MACROD1: variants seen among roughly 807,000 people sequenced by gnomAD.
The protein encoded by MACROD1 is mono-ADP ribosylhydrolase 1, also known as ADP-ribose glycohydrolase MACROD1.
A neutral mutation model predicts 41.4 loss-of-function variants in MACROD1; 31 were observed. The ratio of observed to expected loss-of-function variants is 0.75; its 90% CI spans 0.56 to 1.01. MACROD1 has a LOEUF of 1.01. Among genes scored for constraint, MACROD1 ranks in the 50% least tolerant of loss-of-function variants. The pLI is 0.00. For synonymous variants in MACROD1, 252 were observed against 203.4 expected (o/e 1.24, Z -2.03); for missense variants, 473 against 460.0 (o/e 1.03, Z -0.26).
intron 3 of MACROD1, among the ~76,000 whole-genome samples, chr11:64,021,581 C>T (rs1943153018): frequency 6.6e-6 from 1 of 152,124 alleles, no homozygotes; most frequent in East Asian, 1.9e-4. Context: ...TGGAGGCCGC[C>T]TCCACTCCCC....
chr11:64,155,964 C>T (rs553202658), intron 1 of MACROD1, among the ~76,000 whole-genome samples: 25 of 152,018 alleles, frequency 1.6e-4, no homozygotes, highest in Admixed American at 5.9e-4. Flanking sequence ...CAAAATTAGC[C>T]GGGTGTGGTG....
At chr11:64,066,906 A>G (rs1944015629) in intron 3 of MACROD1, among the ~76,000 whole-genome samples, 1 of 152,220 alleles carries the variant, frequency 6.6e-6, no homozygotes, top group Non-Finnish European at 1.5e-5. Flanking sequence ...CTCAGGCTAT[A>G]GCTCCGGAGC....
chr11:64,017,538 C>G (rs1332086324), intron 3 of MACROD1, among the ~76,000 whole-genome samples: 1 of 152,148 alleles, frequency 6.6e-6, no homozygotes, highest in Non-Finnish European at 1.5e-5. Flanking sequence ...CTGCCTTTCC[C>G]TGGCCAGGGG....
At chr11:64,047,212 G>T (rs1943600808) in intron 3 of MACROD1, among the ~76,000 whole-genome samples, 1 of 152,134 alleles carries the variant, frequency 6.6e-6, no homozygotes, top group Admixed American at 6.5e-5. Context: ...CCCCAGAGAG[G>T]TGCTGCTGAA....
chr11:64,154,214 G>A (rs1565263058), intron 1 of MACROD1, among the ~76,000 whole-genome samples: 1 of 152,248 alleles, frequency 6.6e-6, no homozygotes, highest in African/African-American at 2.4e-5. Context: ...CACAGTGCCT[G>A]CCTGCTCTCA....
At chr11:64,048,617 A>G (rs541149855) in intron 3 of MACROD1, among the ~76,000 whole-genome samples, 1 of 152,244 alleles carries the variant, frequency 6.6e-6, no homozygotes, top group Non-Finnish European at 1.5e-5. Flanking sequence ...CGGAATTCTT[A>G]CTGTTCCTGC....
intron 3 of MACROD1, among the ~76,000 whole-genome samples, chr11:64,138,761 A>C (rs1945367895): frequency 1.3e-5 from 2 of 149,824 alleles, no homozygotes; most frequent in Non-Finnish European, 3.0e-5. Flanking sequence ...GGTGGGTGCC[A>C]CTGATGGGGA....
chr11:64,009,667 C>T (rs1942969957), intron 4 of MACROD1, among the ~76,000 whole-genome samples: 1 of 152,026 alleles, frequency 6.6e-6, no homozygotes, highest in Admixed American at 6.5e-5. Flanking sequence ...GGTGGGGGTC[C>T]AGGCCCAGAG....
intron 3 of MACROD1, 51 bp downstream of exon 3, chr11:64,151,188 G>C (rs1478840265): frequency 1.3e-6 from 2 of 1,499,930 alleles, no homozygotes; most frequent in Non-Finnish European, 1.8e-6. Flanking sequence ...GCAGAGCAGA[G>C]CAAAGGCAAC....
rs759056024 is a variant in MACROD1 at position 63,999,706 on chromosome 11, G to A, written c.722C>T (p.Ala241Val). 1.2e-6 allele frequency: 2 copies of A among 1,608,796 alleles called. No individual in the cohort carries two copies. The highest frequency in any genetic ancestry group is 1.1e-5 in the South Asian group (1 of 90,500). ...GCTCAGGTAGCAGCTGCGGAGCTCG[G>A]CAGCCTGACTGGCGCTGGGCTCCCC... is the stretch of plus-strand genomic sequence containing the variant. ...AYGEPSASQAAELRSCYLSSL... is the reference protein window; with the variant it reads ...AYGEPSASQAVELRSCYLSSL... The change falls in exon 6 of 11, where the codon GCC becomes GTC. Residue 241 changes from alanine (A) to valine (V), a missense_variant. By Grantham distance (64) the Ala-to-Val change is moderately conservative (BLOSUM62 0). Coordinates refer to ENST00000255681, the MANE Select transcript of MACROD1 (RefSeq NM_014067.4).
Position 64,000,346 on chromosome 11 carries a change from G to T in MACROD1, c.548-3C>A. 1.3e-6 allele frequency: 2 copies of T among 1,557,270 alleles called. No homozygotes were observed. The highest frequency in any genetic ancestry group is 8.7e-7 in the Non-Finnish European group (1 of 1,152,422). On this transcript the variant is annotated splice_polypyrimidine_tract_variant and splice_region_variant and intron_variant, in intron 4 of 10. Coordinates refer to ENST00000255681, the MANE Select transcript of MACROD1 (RefSeq NM_014067.4). ...GGCCCGATGAATGCAGCCGTCCACT[G>T]CGGGAAGGGCGGGCGCGACTGAGCT...
At chr11:64,060,994 C>A (rs1431481345) in intron 3 of MACROD1, among the ~76,000 whole-genome samples, 2 of 151,948 alleles carry the variant, frequency 1.3e-5, no homozygotes, top group Non-Finnish European at 2.9e-5. Flanking sequence ...GGGCCGGCGT[C>A]GACCTTCCCC....
intron 4 of MACROD1, among the ~76,000 whole-genome samples, chr11:64,013,755 C>T (rs1051774418): frequency 1.3e-5 from 2 of 152,206 alleles, no homozygotes; most frequent in Non-Finnish European, 2.9e-5. Context: ...CATCTCCCCA[C>T]CTCTTGGCTG....
intron 1 of MACROD1, among the ~76,000 whole-genome samples, chr11:64,157,204 T>C (rs1945682810): frequency 6.6e-6 from 1 of 152,206 alleles, no homozygotes; most frequent in South Asian, 2.1e-4. Context: ...GCAATTCTCA[T>C]GCCTCAGCCT....
At chr11:64,165,590 C>G (rs1945827697) in intron 1 of MACROD1, 107 bp downstream of exon 1, 1 of 1,048,846 alleles carries the variant, frequency 9.5e-7, no homozygotes, top group African/African-American at 1.7e-5. Context: ...CTCAACTTCC[C>G]CAGGTCTCTC....
rs1315334759 is a variant in MACROD1 at position 64,036,713 on chromosome 11, C to T, written c.518-21432G>A. 6.6e-6 allele frequency among the ~76,000 whole-genome samples: 1 copy of T among 152,016 alleles called. No homozygotes were observed. Among genetic ancestry groups the T allele is most frequent in the Non-Finnish European group, 1.5e-5 (1 of 67,984 alleles). Reference sequence around the variant, plus strand: ...AGCCTCCAACTTCCCTCCCTGTGCGCGCTGTGGACCGTCAGCCCTGAGCCG... The same window carrying T: ...AGCCTCCAACTTCCCTCCCTGTGCGTGCTGTGGACCGTCAGCCCTGAGCCG... On this transcript the variant is annotated intron_variant, in intron 3 of 10. Coordinates refer to ENST00000255681, the MANE Select transcript of MACROD1 (RefSeq NM_014067.4). This position sits in a 1 kb window ranked among gnomAD's most constrained non-coding sequence, Gnocchi z 5.6.
chr11:64,016,886 C>T (rs969730687), intron 3 of MACROD1, among the ~76,000 whole-genome samples: 2 of 152,214 alleles, frequency 1.3e-5, no homozygotes, highest in Admixed American at 1.3e-4. Context: ...GGTGCCCAGG[C>T]TGGCCCAGGA....
intron 1 of MACROD1, among the ~76,000 whole-genome samples, chr11:64,158,471 T>C (rs1945703159): frequency 6.6e-6 from 1 of 152,178 alleles, no homozygotes; most frequent in Non-Finnish European, 1.5e-5. Flanking sequence ...CTCGAACTCC[T>C]GGGCTCTAGC....
intron 3 of MACROD1, among the ~76,000 whole-genome samples, chr11:64,029,690 C>T (rs373608222): frequency 2.0e-5 from 3 of 152,146 alleles, no homozygotes; most frequent in South Asian, 4.2e-4. Context: ...ATGAGCTGCT[C>T]GTCACACAGC....
Sources: gnomAD v4.1 joint callset for allele counts (sites outside exome capture counted in the v4.1 genomes callset) on GRCh38, gnomAD v4.1.1 for gene constraint, Gnocchi (gnomAD v3.1) non-coding constraint, MANE v1.5 for transcripts, NCBI Gene and HGNC (gene_info 2026-07-23, HGNC 2026-07-21) for gene names.